Variants in HTR3B observed in about 807,000 individuals in gnomAD.
HTR3B encodes the protein 5-hydroxytryptamine receptor 3B.
In HTR3B, 44 loss-of-function variants were observed where a neutral mutation model predicts 42.8. The ratio of observed to expected loss-of-function variants is 1.03; its 90% confidence interval spans 0.81 to 1.32. HTR3B has a LOEUF of 1.32. Ranked by LOEUF, HTR3B falls within the 40% of genes most tolerant of loss-of-function variation. The pLI is 0.00. For missense variants in HTR3B, 527 were observed against 536.5 expected, an observed-to-expected ratio of 0.98 and a Z score of 0.17; for synonymous variants, 203 against 209.0, an observed-to-expected ratio of 0.97 and a Z score of 0.25.
upstream of HTR3B, among the ~76,000 whole-genome samples, chr11:113,900,084 C>G (rs948591609): frequency 6.6e-6 from 1 of 151,996 alleles, no homozygotes; most frequent in Non-Finnish European, 1.5e-5. Context: ...CTGGTGAAAC[C>G]CTGTATCTAC....
In HTR3B at chr11:113,946,499, A is replaced by T. The variant is rs1326074302; in HGVS notation, c.*362A>T. ...AGCCATGATTGCACCACTGCACCCCAGCCTGGGTGACAGAGCAAGACCCTG... is the reference window on the plus strand; with the variant it reads ...AGCCATGATTGCACCACTGCACCCCTGCCTGGGTGACAGAGCAAGACCCTG... On this transcript the variant is annotated 3_prime_UTR_variant, in exon 9 of 9. Coordinates refer to ENST00000260191, the MANE Select transcript of HTR3B (RefSeq NM_006028.5). 9 of 161,716 alleles carry T rather than the reference A, an allele frequency of 5.6e-5. No individual in the cohort carries two copies. The highest frequency in any genetic ancestry group is 5.5e-4 in the Admixed American group (9 of 16,236). 10.0% of individuals were successfully genotyped at this position (161,716 alleles called of 1,614,324 possible). A position where few individuals can be genotyped will look rare whatever the true frequency, so the allele number is the denominator to read the frequency against.
intron 2 of HTR3B, among the ~76,000 whole-genome samples, chr11:113,914,461 A>G (rs951205400): frequency 4.0e-5 from 6 of 150,340 alleles, no homozygotes; most frequent in African/African-American, 1.5e-4. Context: ...CGATACTCCA[A>G]CTCAAAAAAA....
At chr11:113,932,894 C>G in intron 5 of HTR3B, 42 bp from the exon 6 acceptor site, 1 of 1,597,482 alleles carries the variant, frequency 6.3e-7, no homozygotes, top group Non-Finnish European at 8.5e-7. Context: ...ATGTTGGCAT[C>G]TCTTTCTCTC....
At position 113,904,875 on chromosome 11, in the gene HTR3B, G is replaced by A; in HGVS notation, c.-59G>A. 7.6e-7 allele frequency: 1 copy of A among 1,320,126 alleles called. No homozygotes were observed. The highest frequency in any genetic ancestry group is 1.1e-6 in the Non-Finnish European group (1 of 912,150). The allele number at this position is 1,320,126 out of a possible 1,614,324, so 81.8% of individuals were successfully genotyped here. A position where few individuals can be genotyped will look rare whatever the true frequency, so the allele number is the denominator to read the frequency against. On this transcript the variant is annotated 5_prime_UTR_variant, in exon 1 of 9. Transcript: ENST00000260191. ...GAGAGGAACCCTGTTAGGAGAAATT[G>A]AGCGGCATTCCATCTGGTAGGCAAG...
intron 2 of HTR3B, among the ~76,000 whole-genome samples, chr11:113,925,609 A>T (rs1215814379): frequency 4.6e-5 from 7 of 151,792 alleles, no homozygotes; most frequent in Admixed American, 3.3e-4. Context: ...TTTTTAGTAG[A>T]GACGGGGTTT....
chr11:113,899,508 G>A, the HTR3B span, among the ~76,000 whole-genome samples: 2 of 152,214 alleles, frequency 1.3e-5, no homozygotes, highest in African/African-American at 2.4e-5. Context: ...ATTTTAGCAT[G>A]ACTGCCAAGG....
the HTR3B span, among the ~76,000 whole-genome samples, chr11:113,898,973 A>G: frequency 6.7e-3 from 1,013 of 152,266 alleles, 8 homozygotes; most frequent in African/African-American, 0.023. Flanking sequence ...AACTAACTCA[A>G]TGCTGTTTAA....
chr11:113,946,179 A>G lies in HTR3B; in HGVS notation c.*42A>G, dbSNP rs1198447861. On this transcript the variant is annotated 3_prime_UTR_variant, in exon 9 of 9. Transcript: ENST00000260191. The stretch of plus-strand genomic sequence containing the variant: ...CAGTAATTGTGCTGGCACTTAGGAG[A>G]GAGAGGAGGGGGAATAATAGTGGGT... The G allele has an allele frequency of 6.8e-7, 1 of 1,478,830 alleles. No homozygotes were observed. The highest frequency in any genetic ancestry group is 9.4e-7 in the Non-Finnish European group (1 of 1,061,048). The allele number at this position is 1,478,830 out of a possible 1,614,324, so 91.6% of individuals were successfully genotyped here.
At chr11:113,930,810 G>T (rs559867414) in intron 2 of HTR3B, among the ~76,000 whole-genome samples, 1 of 152,078 alleles carries the variant, frequency 6.6e-6, no homozygotes, top group Non-Finnish European at 1.5e-5. Flanking sequence ...TTAAATTGCT[G>T]TTTTGGGGGG....
At chr11:113,924,760 A>G (rs1949952323) in intron 2 of HTR3B, among the ~76,000 whole-genome samples, 1 of 151,772 alleles carries the variant, frequency 6.6e-6, no homozygotes, top group Non-Finnish European at 1.5e-5. Flanking sequence ...CATCTGCTCC[A>G]AGTTGTTCCT....
intron 2 of HTR3B, among the ~76,000 whole-genome samples, chr11:113,922,659 C>A (rs1367993776): frequency 1.3e-5 from 2 of 152,062 alleles, no homozygotes; most frequent in Non-Finnish European, 1.5e-5. Context: ...CGGTTCACGC[C>A]ATTCTCCTGC....
In HTR3B at chr11:113,946,106, G is replaced by T. The variant is rs1950176388; in HGVS notation, c.1295G>T (p.Cys432Phe). The change falls in exon 9 of 9, where the codon TGC becomes TTC. Residue 432 changes from cysteine (C) to phenylalanine (F), a missense_variant. Physicochemically the swap from Cys to Phe is radical, Grantham distance 205. Coordinates refer to ENST00000260191, the MANE Select transcript of HTR3B (RefSeq NM_006028.5). ...CTGGGGATCTACACCATCACTCTGTGCTCCCTCTGGGCACTGTGGGGCGGC... is the reference window on the plus strand; with the variant it reads ...CTGGGGATCTACACCATCACTCTGTTCTCCCTCTGGGCACTGTGGGGCGGC... ...FMLGIYTITL[C>F]SLWALWGGV The T allele has an allele frequency of 6.2e-7, 1 of 1,613,976 alleles. No individual in the cohort carries two copies. Among genetic ancestry groups the T allele is most frequent in the Non-Finnish European group, 8.5e-7 (1 of 1,179,952 alleles).
chr11:113,923,406 T>C (rs1332729813), intron 2 of HTR3B, among the ~76,000 whole-genome samples: 1 of 152,228 alleles, frequency 6.6e-6, no homozygotes, highest in Non-Finnish European at 1.5e-5. Context: ...AATCTGATTA[T>C]AGAGATAATC....
intron 6 of HTR3B, among the ~76,000 whole-genome samples, chr11:113,933,931 C>T (rs1421065668): frequency 6.6e-6 from 1 of 152,216 alleles, no homozygotes; most frequent in Non-Finnish European, 1.5e-5. Context: ...GGTGGTCCTT[C>T]ATGCCAAGTA....
chr11:113,937,832 A>G (rs1950103315), intron 6 of HTR3B, among the ~76,000 whole-genome samples: 1 of 152,246 alleles, frequency 6.6e-6, no homozygotes, highest in Admixed American at 6.5e-5. Context: ...GGCTGCCATA[A>G]CAAAGTAGCC....
chr11:113,929,265 A>G (rs1409737045), intron 2 of HTR3B, among the ~76,000 whole-genome samples: 3 of 152,174 alleles, frequency 2.0e-5, no homozygotes, highest in Non-Finnish European at 2.9e-5. Flanking sequence ...CATTTCCCTA[A>G]TGATTAGTGA....
At chr11:113,936,985 T>C (rs186611127) in intron 6 of HTR3B, among the ~76,000 whole-genome samples, 4 of 152,376 alleles carry the variant, frequency 2.6e-5, no homozygotes, top group Admixed American at 6.5e-5. Context: ...GTGTACTTAT[T>C]ATTACCTGGC....
chr11:113,905,963 G>C (rs1949730296), intron 1 of HTR3B, among the ~76,000 whole-genome samples: 2 of 152,188 alleles, frequency 1.3e-5, no homozygotes, highest in African/African-American at 4.8e-5. Context: ...AATAAAAACA[G>C]AGGAAGTGTC....
At chr11:113,939,275 T>A (rs896801512) in intron 6 of HTR3B, among the ~76,000 whole-genome samples, 1 of 152,224 alleles carries the variant, frequency 6.6e-6, no homozygotes, top group Non-Finnish European at 1.5e-5. Flanking sequence ...GTCTTTTCCC[T>A]CTGCCTTCAT....
Sources: allele counts gnomAD v4.1 joint callset (sites outside exome capture counted in the v4.1 genomes callset), GRCh38; gene constraint gnomAD v4.1.1; transcripts MANE v1.5; gene names NCBI Gene and HGNC (gene_info 2026-07-23, HGNC 2026-07-21).